Variants in LSAMP observed in about 807,000 individuals in gnomAD.
LSAMP encodes limbic system associated membrane protein.
A neutral mutation model predicts 38.6 loss-of-function variants in LSAMP; 7 were observed. That is an observed-to-expected ratio of 0.18 (90% CI 0.10 to 0.34). The LOEUF (loss-of-function observed/expected upper bound fraction) is 0.34, where lower values mean the gene tolerates loss of function less well. Among genes scored for constraint, LSAMP ranks in the 10% least tolerant of loss-of-function variants. The pLI, the probability that LSAMP is intolerant of heterozygous loss-of-function variation, is 1.00. For missense variants in LSAMP, 313 were observed against 420.0 expected, an observed-to-expected ratio of 0.75 and a Z score of 2.23; for synonymous variants, 154 against 166.8, an observed-to-expected ratio of 0.92 and a Z score of 0.59.
At chr3:116,323,612 C>T (rs962648634) in intron 1 of LSAMP, among the ~76,000 whole-genome samples, 1 of 152,040 alleles carries the variant, frequency 6.6e-6, no homozygotes, top group Non-Finnish European at 1.5e-5. Context: ...TTATTTCTCT[C>T]ATCAGTAAAG....
chr3:116,096,078 T>C (rs1271067482), intron 1 of LSAMP, among the ~76,000 whole-genome samples: 1 of 152,228 alleles, frequency 6.6e-6, no homozygotes, highest in Non-Finnish European at 1.5e-5. Flanking sequence ...CTACCTTGTT[T>C]GGCACTCGTA....
chr3:116,349,517 T>TCA (rs57435910), intron 1 of LSAMP, among the ~76,000 whole-genome samples: 21,487 of 147,278 alleles, frequency 0.15, 1,810 homozygotes, highest in African/African-American at 0.24. Context: ...TCTCTCTCTC[T>TCA]CACACACACA....
chr3:116,219,944 A>G (rs1351401324), intron 1 of LSAMP, among the ~76,000 whole-genome samples: 1 of 152,078 alleles, frequency 6.6e-6, no homozygotes, highest in African/African-American at 2.4e-5. Flanking sequence ...AGAGGCCAAA[A>G]TGGGTGGATC....
intron 3 of LSAMP, among the ~76,000 whole-genome samples, chr3:115,894,182 T>C (rs1936672860): frequency 6.6e-6 from 1 of 152,072 alleles, no homozygotes; most frequent in Admixed American, 6.6e-5. Flanking sequence ...CAAAAGTCTA[T>C]GGTGCACCTA....
intron 6 of LSAMP, among the ~76,000 whole-genome samples, chr3:115,840,815 T>A (rs562898839): frequency 6.6e-6 from 1 of 152,038 alleles, no homozygotes; most frequent in Non-Finnish European, 1.5e-5. Flanking sequence ...TTCCAGTTTT[T>A]CCAATAGAAT....
intron 1 of LSAMP, among the ~76,000 whole-genome samples, chr3:116,110,647 G>A (rs1012014842): frequency 6.6e-6 from 1 of 152,120 alleles, no homozygotes; most frequent in East Asian, 1.9e-4. Context: ...AAAAGAGGCC[G>A]CTTACCAGAT....
At chr3:116,233,944 C>G (rs1380010689) in intron 1 of LSAMP, among the ~76,000 whole-genome samples, 1 of 152,176 alleles carries the variant, frequency 6.6e-6, no homozygotes, top group East Asian at 1.9e-4. Context: ...AGAAAATTCT[C>G]CTGCTGATTG....
intron 3 of LSAMP, among the ~76,000 whole-genome samples, chr3:115,902,538 C>G (rs1458634732): frequency 6.6e-6 from 1 of 151,924 alleles, no homozygotes; most frequent in African/African-American, 2.4e-5. Context: ...AAGAAACTAT[C>G]AAGAGAGTAA....
intron 1 of LSAMP, among the ~76,000 whole-genome samples, chr3:116,103,341 A>T (rs1708388848): frequency 6.6e-6 from 1 of 151,656 alleles, no homozygotes. Context: ...GTGTCACATG[A>T]TTATAGTCCC....
chr3:115,853,000 G>T (rs116625423), intron 3 of LSAMP, among the ~76,000 whole-genome samples: 316 of 152,270 alleles, frequency 2.1e-3, no homozygotes, highest in Non-Finnish European at 3.4e-3. Context: ...GTGTTCATAG[G>T]TGCATGCACT....
At chr3:116,073,489 T>G (rs770860854) in intron 2 of LSAMP, among the ~76,000 whole-genome samples, 1 of 152,218 alleles carries the variant, frequency 6.6e-6, no homozygotes, top group African/African-American at 2.4e-5. Context: ...TAGCATTTAA[T>G]CTATAAATTA....
intron 1 of LSAMP, among the ~76,000 whole-genome samples, chr3:116,174,478 T>G (rs1172689675): frequency 1.3e-5 from 2 of 152,080 alleles, no homozygotes; most frequent in African/African-American, 4.8e-5. Flanking sequence ...TTTATTGTGC[T>G]CATTCTTTTG....
At chr3:116,041,814 A>C (rs71323424) in intron 2 of LSAMP, among the ~76,000 whole-genome samples, 68 of 151,124 alleles carry the variant, frequency 4.5e-4, no homozygotes, top group Middle Eastern at 3.5e-3. Flanking sequence ...AACAAAACAA[A>C]ACAAAAAAAA....
At chr3:116,286,742 T>G (rs1365813656) in intron 1 of LSAMP, among the ~76,000 whole-genome samples, 1 of 152,196 alleles carries the variant, frequency 6.6e-6, no homozygotes, top group South Asian at 2.1e-4. Context: ...ATCTGTACCA[T>G]GCAAAAGCAG....
intron 3 of LSAMP, among the ~76,000 whole-genome samples, chr3:115,908,422 G>T (rs1325894886): frequency 7.0e-6 from 1 of 143,766 alleles, no homozygotes. Context: ...TACCTGCAAG[G>T]CTCAGAACAA....
intron 1 of LSAMP, among the ~76,000 whole-genome samples, chr3:116,260,928 A>C (rs1229525763): frequency 6.6e-6 from 1 of 152,202 alleles, no homozygotes; most frequent in Non-Finnish European, 1.5e-5. Context: ...ATAGAGCATC[A>C]CCTGGGAAAG....
intron 1 of LSAMP, among the ~76,000 whole-genome samples, chr3:116,317,720 A>T (rs28504104): frequency 6.6e-6 from 1 of 152,092 alleles, no homozygotes; most frequent in Admixed American, 6.5e-5. Context: ...GTTATAGTTC[A>T]TGATTTTTGT....
chr3:116,107,338 G>C (rs1446442720), intron 1 of LSAMP, among the ~76,000 whole-genome samples: 2 of 152,188 alleles, frequency 1.3e-5, no homozygotes, highest in African/African-American at 4.8e-5. Context: ...GAAAAATGTA[G>C]AGTGAGTTGA....
At chr3:116,374,311 A>G (rs1360698239) in intron 1 of LSAMP, among the ~76,000 whole-genome samples, 7 of 151,932 alleles carry the variant, frequency 4.6e-5, no homozygotes, top group Admixed American at 3.3e-4. Flanking sequence ...ATTGCATTCA[A>G]GAGACTTACT....
Sources: allele counts gnomAD v4.1 joint callset (sites outside exome capture counted in the v4.1 genomes callset), GRCh38; gene constraint gnomAD v4.1.1; transcripts MANE v1.5; gene names NCBI Gene and HGNC (gene_info 2026-07-23, HGNC 2026-07-21).